Variants in TLE4 observed in about 807,000 individuals in gnomAD.
The protein encoded by TLE4 is TLE family member 4, transcriptional corepressor, also known as transducin-like enhancer protein 4.
A neutral mutation model predicts 92.8 loss-of-function variants in TLE4; 8 were observed. The observed-to-expected ratio is 0.09, with a 90% CI of 0.05 to 0.16. TLE4 has a LOEUF of 0.16. TLE4 is among the 10% of genes least tolerant of loss of function. The pLI is 1.00. For missense variants in TLE4, 675 were observed against 997.6 expected (o/e 0.68, Z 4.36); for synonymous variants, 371 against 374.1 (o/e 0.99, Z 0.10).
At chr9:79,712,960 T>C (rs771352095) in intron 14 of TLE4, among the ~76,000 whole-genome samples, 3 of 152,252 alleles carry the variant, frequency 2.0e-5, no homozygotes, top group Admixed American at 6.5e-5. Context: ...TTTATTTTTA[T>C]AAAGCAAGAT....
intron 4 of TLE4, among the ~76,000 whole-genome samples, chr9:79,593,952 C>A (rs1266878250): frequency 2.6e-5 from 4 of 152,228 alleles, no homozygotes; most frequent in East Asian, 1.9e-4. Flanking sequence ...CAGCCAGTAA[C>A]TTCCTGTGAC....
intron 11 of TLE4, chr9:79,707,343 T>C: frequency 1.3e-6 from 1 of 786,118 alleles, no homozygotes; most frequent in Non-Finnish European, 2.1e-6. Context: ...CAAAAGTCTA[T>C]CTTGACTTAC....
At position 79,725,020 on chromosome 9, in the gene TLE4, A is replaced by G. The variant is rs746403094; in HGVS notation, c.2215-17A>G. 1.9e-6 allele frequency: 3 copies of G among 1,591,102 alleles called. No homozygotes were observed. Among genetic ancestry groups the G allele is most frequent in the African/African-American group, 2.7e-5 (2 of 74,322 alleles). On this transcript the variant is annotated splice_polypyrimidine_tract_variant and intron_variant, in intron 19 of 19. Transcript: ENST00000376552. ...CTTTCAGTATTTAACATTTTTGATT[A>G]TATGTTTCTTTCCTAGTCCAAAGAA...
At chr9:79,628,729 G>A (rs1319244698) in intron 6 of TLE4, among the ~76,000 whole-genome samples, 1 of 152,156 alleles carries the variant, frequency 6.6e-6, no homozygotes, top group East Asian at 1.9e-4. Context: ...AATAATGTTT[G>A]TCATACATTT....
chr9:79,665,657 G>A (rs1442021247), intron 8 of TLE4, among the ~76,000 whole-genome samples: 1 of 152,198 alleles, frequency 6.6e-6, no homozygotes, highest in Non-Finnish European at 1.5e-5. Flanking sequence ...CGGGATATGG[G>A]CCTTTTACTC....
chr9:79,580,649 G>A (rs1378821785), intron 4 of TLE4, among the ~76,000 whole-genome samples: 2 of 151,558 alleles, frequency 1.3e-5, no homozygotes, highest in East Asian at 3.9e-4. Flanking sequence ...ATTTAGAAGA[G>A]TAGATGGAGG....
rs866786128 is a variant in TLE4 at position 79,652,777 on chromosome 9, A to C, written c.575A>C (p.Asp192Ala). The change falls in exon 7 of 20, where the codon GAC becomes GCC. Residue 192 changes from aspartate to alanine, a missense_variant. Physicochemically the swap from Asp to Ala is moderately radical, Grantham distance 126. Around this residue, in one of 5 missense-constraint regions of TLE4, gnomAD observed 280 missense variants for 287.3 expected, o/e 0.97. Transcript: ENST00000376552. Reference protein sequence around the residue: ...LPIKDEKKHHDNDHQRDRDSI... With the variant: ...LPIKDEKKHHANDHQRDRDSI... Reference sequence around the variant, plus strand: ...ATTAAAGATGAGAAGAAGCACCATGACAATGATCACCAAAGAGGTGAGTAA... The same window carrying C: ...ATTAAAGATGAGAAGAAGCACCATGCCAATGATCACCAAAGAGGTGAGTAA... The C allele has an allele frequency of 6.2e-7, 1 of 1,614,172 alleles. No homozygotes were observed. The highest frequency in any genetic ancestry group is 1.6e-4 in the Middle Eastern group (1 of 6,062).
chr9:79,688,180 A>G (rs1458037761), intron 8 of TLE4, among the ~76,000 whole-genome samples: 1 of 152,184 alleles, frequency 6.6e-6, no homozygotes, highest in Non-Finnish European at 1.5e-5. Context: ...TATAGTGCTT[A>G]TAAGGACCTG....
Position 79,708,213 on chromosome 9 carries a change from G to A in TLE4, c.1032G>A (p.Arg344=), listed in dbSNP as rs1478819905. The A allele has an allele frequency of 1.9e-6, 3 of 1,614,058 alleles. No individual in the cohort carries two copies. Among genetic ancestry groups the A allele is most frequent in the Non-Finnish European group, 2.5e-6 (3 of 1,180,038 alleles). ...TPGSNSTPGL[R]PVPGKPPGVD... is the part of the protein sequence containing the mutation. ...GCAGTAACTCTACTCCCGGATTGAG[G>A]CCTGTACCTGGAAAACCACCAGGAG... Residue 344 remains arginine, a synonymous_variant, in exon 12 of 20, where the codon AGG becomes AGA. Coordinates refer to ENST00000376552, the MANE Select transcript of TLE4 (RefSeq NM_007005.6).
At chr9:79,585,604 T>C (rs2040858867) in intron 4 of TLE4, among the ~76,000 whole-genome samples, 1 of 152,190 alleles carries the variant, frequency 6.6e-6, no homozygotes. Flanking sequence ...TTAGCTCTTT[T>C]GGTTAAAATG....
intron 14 of TLE4, among the ~76,000 whole-genome samples, chr9:79,715,034 A>C (rs1396366299): frequency 6.6e-6 from 1 of 152,234 alleles, no homozygotes; most frequent in Non-Finnish European, 1.5e-5. Flanking sequence ...TCATTAATGA[A>C]AGCAGGCTCT....
intron 4 of TLE4, among the ~76,000 whole-genome samples, chr9:79,592,229 T>TCTTCTTCTTC (rs1554694709): frequency 5.3e-5 from 7 of 133,094 alleles, no homozygotes; most frequent in African/African-American, 2.2e-4. Context: ...TTCTTCTTCT[T>TCTTCTTCTTC]CTTCTTCCTT....
intron 4 of TLE4, among the ~76,000 whole-genome samples, chr9:79,593,104 A>G (rs1346239221): frequency 6.6e-6 from 1 of 152,170 alleles, no homozygotes; most frequent in Non-Finnish European, 1.5e-5. Flanking sequence ...TGAGAACAGC[A>G]GTGATAGTAA....
chr9:79,679,671 T>G (rs1203875370), intron 8 of TLE4, among the ~76,000 whole-genome samples: 1 of 152,246 alleles, frequency 6.6e-6, no homozygotes, highest in Non-Finnish European at 1.5e-5. Context: ...TTTTGGTGTT[T>G]TAGACATGAA....
intron 6 of TLE4, among the ~76,000 whole-genome samples, chr9:79,646,237 A>G (rs2058086984): frequency 2.0e-5 from 3 of 152,204 alleles, no homozygotes; most frequent in African/African-American, 7.2e-5. Flanking sequence ...AAGATAAAGT[A>G]GAATATCTTT....
intron 13 of TLE4, among the ~76,000 whole-genome samples, chr9:79,709,157 A>G (rs1475561348): frequency 2.0e-5 from 3 of 152,190 alleles, no homozygotes; most frequent in Admixed American, 6.5e-5. Context: ...TGTAATTTAT[A>G]TAATCTAAGG....
intron 8 of TLE4, among the ~76,000 whole-genome samples, chr9:79,692,035 C>T (rs570828320): frequency 2.4e-4 from 37 of 152,210 alleles, no homozygotes; most frequent in African/African-American, 8.2e-4. Context: ...TAATAACCCT[C>T]CTGCTTTGTT....
intron 8 of TLE4, among the ~76,000 whole-genome samples, chr9:79,671,925 TAAAA>T (rs199524403): frequency 7.7e-6 from 1 of 129,636 alleles, no homozygotes; most frequent in Admixed American, 8.4e-5. Context: ...GTTTCTCCGT[TAAAA>T]AAAAAAAAAA....
In TLE4 at chr9:79,702,900, A is replaced by C. The variant is rs192537683; in HGVS notation, c.610-1883A>C. On this transcript the variant is annotated intron_variant, in intron 8 of 19. Coordinates refer to ENST00000376552, the MANE Select transcript of TLE4 (RefSeq NM_007005.6). ...TGTGCTTTGGAAGTTCAGAAATGCC[A>C]CAAAAGAGATTGTGACATTAAGGCT... 1.3e-3 allele frequency among the ~76,000 whole-genome samples: 198 copies of C among 152,322 alleles called. 1 individual carries two copies. Among genetic ancestry groups the C allele is most frequent in the African/African-American group, 4.3e-3 (177 of 41,566 alleles).
Sources: allele counts gnomAD v4.1 joint callset (sites outside exome capture counted in the v4.1 genomes callset), GRCh38; gene constraint gnomAD v4.1.1; regional missense constraint gnomAD v4.1.1; transcripts MANE v1.5; gene names NCBI Gene and HGNC (gene_info 2026-07-23, HGNC 2026-07-21).